The following ILRUN variants were observed in gnomAD, a reference collection of about 807,000 sequenced individuals.
ILRUN encodes the protein protein ILRUN.
A neutral mutation model predicts 33.8 loss-of-function variants in ILRUN; 3 were observed. The ratio of observed to expected loss-of-function variants is 0.09; its 90% CI spans 0.04 to 0.23. The LOEUF (loss-of-function observed/expected upper bound fraction) is 0.23, where lower values mean the gene tolerates loss of function less well. ILRUN is among the 10% of genes least tolerant of loss of function. ILRUN has a pLI of 1.00. For synonymous variants in ILRUN, 124 were observed against 138.9 expected (o/e 0.89, Z 0.75); for missense variants, 210 against 375.1 (o/e 0.56, Z 3.64).
At chr6:34,657,229 G>C (rs1762789851) in intron 1 of ILRUN, among the ~76,000 whole-genome samples, 1 of 152,306 alleles carries the variant, frequency 6.6e-6, no homozygotes, top group South Asian at 2.1e-4. Flanking sequence ...CTGCTGAATT[G>C]TTTTCTGTTC....
chr6:34,650,405 A>T (rs867375331), intron 2 of ILRUN, among the ~76,000 whole-genome samples: 199 of 135,148 alleles, frequency 1.5e-3, no homozygotes, highest in African/African-American at 3.2e-3. Flanking sequence ...TTATTTATTT[A>T]TTTTTATTTA....
chr6:34,669,289 A>ATT lies in ILRUN; in HGVS notation c.159-14512_159-14511dup, dbSNP rs35216384. On this transcript the variant is annotated intron_variant, in intron 1 of 4. Transcript: ENST00000374023. The stretch of plus-strand genomic sequence containing the variant: ...AAGGTATGTACCATCACACCCAGCT[A>ATT]TTTTTTTTTTTTTTTTTTTGGTAGA... Among the ~76,000 whole-genome samples, 401 of 118,428 alleles carry ATT rather than the reference A, an allele frequency of 3.4e-3. 4 individuals are homozygous for ATT. The highest frequency in any genetic ancestry group is 8.1e-3 in the African/African-American group (251 of 31,110). 77.7% of individuals were successfully genotyped at this position (118,428 alleles called of 152,430 possible). A position where few individuals can be genotyped will look rare whatever the true frequency, so the allele number is the denominator to read the frequency against.
At chr6:34,591,019 A>AT in intron 4 of ILRUN, among the ~76,000 whole-genome samples, 1 of 152,200 alleles carries the variant, frequency 6.6e-6, no homozygotes, top group Non-Finnish European at 1.5e-5. Flanking sequence ...AACAACACAT[A>AT]TATCAGCAAA....
At chr6:34,683,459 T>TAC in intron 1 of ILRUN, among the ~76,000 whole-genome samples, 1 of 114,668 alleles carries the variant, frequency 8.7e-6, no homozygotes, top group East Asian at 2.3e-4. Flanking sequence ...TATACATATA[T>TAC]ATACATATAT....
At chr6:34,693,243 A>G (rs1419988500) in intron 1 of ILRUN, among the ~76,000 whole-genome samples, 2 of 152,230 alleles carry the variant, frequency 1.3e-5, no homozygotes, top group African/African-American at 4.8e-5. Flanking sequence ...AATAAAGAAC[A>G]TGCCTTATGT....
intron 1 of ILRUN, among the ~76,000 whole-genome samples, chr6:34,674,260 C>T (rs1012393779): frequency 1.3e-5 from 2 of 152,216 alleles, no homozygotes; most frequent in African/African-American, 2.4e-5. Flanking sequence ...CTCCTGACCT[C>T]AGGTGATTTG....
chr6:34,589,602 C>T lies in ILRUN; in HGVS notation c.*963G>A, dbSNP rs1344446016. The T allele has an allele frequency of 1.3e-5, 2 of 152,194 alleles. No individual in the cohort carries two copies. Among genetic ancestry groups the T allele is most frequent in the East Asian group, 1.9e-4 (1 of 5,192 alleles). The allele number at this position is 152,194 out of a possible 1,614,324, so 9.4% of individuals were successfully genotyped here. On this transcript the variant is annotated 3_prime_UTR_variant, in exon 5 of 5. Coordinates refer to ENST00000374023, the MANE Select transcript of ILRUN (RefSeq NM_024294.4). ...ACCTGCTGGTGAGTTGCACCAACAC[C>T]CGTGTGTGCACATGTGGTGCATACA...
intron 4 of ILRUN, among the ~76,000 whole-genome samples, chr6:34,604,605 C>T (rs1038155183): frequency 3.3e-5 from 5 of 152,184 alleles, no homozygotes; most frequent in African/African-American, 1.2e-4. Flanking sequence ...TAGCCCAGGG[C>T]TGGCCCATTT....
chr6:34,673,131 G>C (rs902972184), intron 1 of ILRUN, among the ~76,000 whole-genome samples: 4 of 152,136 alleles, frequency 2.6e-5, no homozygotes, highest in African/African-American at 9.7e-5. Flanking sequence ...TGGGATATCA[G>C]CTAAGTATCA....
At chr6:34,674,688 C>G (rs1310964508) in intron 1 of ILRUN, among the ~76,000 whole-genome samples, 1 of 152,186 alleles carries the variant, frequency 6.6e-6, no homozygotes, top group Non-Finnish European at 1.5e-5. Flanking sequence ...TTAAACCATA[C>G]ATTTGTAATT....
chr6:34,601,247 A>G (rs1761501501), intron 4 of ILRUN, among the ~76,000 whole-genome samples: 1 of 152,258 alleles, frequency 6.6e-6, no homozygotes, highest in Non-Finnish European at 1.5e-5. Context: ...TGCCTGGCGC[A>G]TAACTGCTCA....
chr6:34,610,346 A>G (rs913945304), intron 3 of ILRUN, among the ~76,000 whole-genome samples: 3 of 152,160 alleles, frequency 2.0e-5, no homozygotes, highest in African/African-American at 7.2e-5. Context: ...TCAATCTCAT[A>G]AATCAATCCA....
chr6:34,613,644 G>A (rs142224020), intron 3 of ILRUN, among the ~76,000 whole-genome samples: 62 of 152,312 alleles, frequency 4.1e-4, no homozygotes, highest in African/African-American at 1.4e-3. Flanking sequence ...AGCAAGAAAG[G>A]AAGGCATTCT....
At chr6:34,593,566 T>C (rs1293658130) in intron 4 of ILRUN, among the ~76,000 whole-genome samples, 2 of 152,248 alleles carry the variant, frequency 1.3e-5, no homozygotes, top group African/African-American at 4.8e-5. Flanking sequence ...GTTTAGATTA[T>C]GGTTATTGTT....
chr6:34,623,909 G>T lies in ILRUN; in HGVS notation c.512-17005C>A, dbSNP rs565426811. Among the ~76,000 whole-genome samples the T allele has an allele frequency of 8.2e-4, 125 of 152,152 alleles. 1 individual carries two copies. Among genetic ancestry groups the T allele is most frequent in the Non-Finnish European group, 9.4e-4 (64 of 68,014 alleles). On this transcript the variant is annotated intron_variant, in intron 3 of 4. Coordinates refer to ENST00000374023, the MANE Select transcript of ILRUN (RefSeq NM_024294.4). ...TGCAGTGTCACAATCTCGGCTCACC[G>T]CAACCTCTGCCTCCTGGGTTCAAGC...
intron 1 of ILRUN, among the ~76,000 whole-genome samples, chr6:34,695,872 C>T (rs1410353171): frequency 6.8e-6 from 1 of 146,648 alleles, no homozygotes; most frequent in Non-Finnish European, 1.5e-5. Context: ...CATAATATCA[C>T]CCCCTTTTCC....
rs1762937713 is a variant in ILRUN, at chr6:34,663,661, C to T, written c.159-8882G>A. Among the ~76,000 whole-genome samples, 3 of 152,100 alleles carry T rather than the reference C, an allele frequency of 2.0e-5. No homozygotes were observed. In the South Asian group the frequency reaches 6.2e-4, roughly 32 times the overall value. On this transcript the variant is annotated intron_variant, in intron 1 of 4. Transcript: ENST00000374023. ...GTCCAGCTAAGGTCTCTTTAAAAAG[C>T]AATTTTACCGAGGTATAATTTATGC...
chr6:34,620,264 C>T (rs1396318583), intron 3 of ILRUN, among the ~76,000 whole-genome samples: 1 of 151,980 alleles, frequency 6.6e-6, no homozygotes, highest in African/African-American at 2.4e-5. Context: ...AGGTGAGACA[C>T]CGTAAAAATG....
At chr6:34,594,261 C>G (rs1190832518) in intron 4 of ILRUN, among the ~76,000 whole-genome samples, 2 of 152,110 alleles carry the variant, frequency 1.3e-5, no homozygotes, top group Non-Finnish European at 2.9e-5. Flanking sequence ...CCACAGAACC[C>G]TGAATTCAAC....
Sources: allele counts gnomAD v4.1 joint callset (sites outside exome capture counted in the v4.1 genomes callset), GRCh38; gene constraint gnomAD v4.1.1; transcripts MANE v1.5; gene names NCBI Gene and HGNC (gene_info 2026-07-23, HGNC 2026-07-21).